The following NBEA variants were observed in gnomAD, a reference collection of about 807,000 sequenced individuals.
NBEA encodes the protein neurobeachin.
NBEA carries 44 observed loss-of-function variants against 343.4 expected under a neutral mutation model. That is an observed-to-expected ratio of 0.13 (90% confidence interval 0.10 to 0.16). The LOEUF is 0.16. Among genes scored for constraint, NBEA ranks in the 10% least tolerant of loss-of-function variants. The pLI is 1.00. For synonymous variants in NBEA, 1,175 were observed against 1,238.7 expected, an observed-to-expected ratio of 0.95 and a Z score of 1.08; for missense variants, 2,555 against 3,631.3, an observed-to-expected ratio of 0.70 and a Z score of 7.62.
chr13:35,659,983 T>C (rs927439694), intron 55 of NBEA, among the ~76,000 whole-genome samples: 1 of 152,230 alleles, frequency 6.6e-6, no homozygotes, highest in Non-Finnish European at 1.5e-5. Context: ...TGCTAAAAGC[T>C]GATTGAATTT....
At chr13:35,177,909 A>G (rs570192923) in intron 28 of NBEA, among the ~76,000 whole-genome samples, 1 of 151,790 alleles carries the variant, frequency 6.6e-6, no homozygotes, top group South Asian at 2.1e-4. Flanking sequence ...CATGATTAAA[A>G]TATATTTAGG....
chr13:35,554,884 ATTATT>A lies in NBEA; in HGVS notation c.6807-99_6807-95del, dbSNP rs2079512373. ...TTCATCTAAGAAGGATAAACCATAA[ATTATT>A]TTAAGTTGATTATCAAAGCAATATA... On this transcript the variant is annotated intron_variant, in intron 43 of 58. Coordinates refer to ENST00000379939, the MANE Select transcript of NBEA (RefSeq NM_001385012.1). 9.9e-6 allele frequency: 5 copies of A among 503,182 alleles called. No homozygotes were observed. In the East Asian group the frequency reaches 1.6e-4, roughly 16 times the overall value. 31.2% of individuals were successfully genotyped at this position (503,182 alleles called of 1,614,324 possible).
At chr13:35,484,707 T>C (rs751196058) in intron 41 of NBEA, among the ~76,000 whole-genome samples, 10 of 152,184 alleles carry the variant, frequency 6.6e-5, no homozygotes, top group Non-Finnish European at 1.3e-4. Context: ...TTGAGGCAGT[T>C]TCATTTCCCC....
chr13:35,158,071 G>A (rs1158511820), intron 21 of NBEA, among the ~76,000 whole-genome samples: 1 of 152,124 alleles, frequency 6.6e-6, no homozygotes, highest in African/African-American at 2.4e-5. Context: ...TAATGTAAAT[G>A]AATGATCATG....
chr13:35,019,860 G>T (rs2061775458), intron 1 of NBEA, among the ~76,000 whole-genome samples: 1 of 152,006 alleles, frequency 6.6e-6, no homozygotes, highest in Non-Finnish European at 1.5e-5. Flanking sequence ...ACTTTTATTT[G>T]TATTAGTGGT....
intron 24 of NBEA, among the ~76,000 whole-genome samples, chr13:35,168,495 A>G (rs1232401933): frequency 6.6e-6 from 1 of 151,582 alleles, no homozygotes; most frequent in Non-Finnish European, 1.5e-5. Flanking sequence ...ATTTTCAACT[A>G]TAGGAAGCTT....
intron 38 of NBEA, among the ~76,000 whole-genome samples, chr13:35,415,004 T>C (rs1273205748): frequency 6.6e-6 from 1 of 152,236 alleles, no homozygotes; most frequent in Non-Finnish European, 1.5e-5. Context: ...CATTTTTTCA[T>C]GTGTCTTTTG....
intron 41 of NBEA, among the ~76,000 whole-genome samples, chr13:35,479,824 T>C (rs897442860): frequency 1.2e-4 from 18 of 152,102 alleles, no homozygotes; most frequent in African/African-American, 3.1e-4. Flanking sequence ...AGGATGTAAA[T>C]ACTTAATTGT....
intron 1 of NBEA, among the ~76,000 whole-genome samples, chr13:35,005,658 A>G (rs1050666030): frequency 1.3e-5 from 2 of 152,180 alleles, no homozygotes; most frequent in Non-Finnish European, 1.5e-5. Context: ...AGTTACTTAC[A>G]GTATCCTTGA....
chr13:35,407,286 A>C (rs894156988), intron 38 of NBEA, among the ~76,000 whole-genome samples: 1 of 151,968 alleles, frequency 6.6e-6, no homozygotes, highest in African/African-American at 2.4e-5. Context: ...ATCTGTGGTT[A>C]TCACATTGAA....
At chr13:35,061,059 A>G (rs1006843761) in intron 8 of NBEA, among the ~76,000 whole-genome samples, 3 of 151,588 alleles carry the variant, frequency 2.0e-5, no homozygotes, top group African/African-American at 7.3e-5. Context: ...ATAGCATGTC[A>G]ACATACGGGC....
chr13:34,965,402 A>G (rs188089284), intron 1 of NBEA, among the ~76,000 whole-genome samples: 104 of 152,140 alleles, frequency 6.8e-4, no homozygotes, highest in Middle Eastern at 6.8e-3. Context: ...ACAGTATCAC[A>G]GAGAAGAAAG....
At chr13:35,503,530 G>A (rs1412322905) in intron 41 of NBEA, among the ~76,000 whole-genome samples, 1 of 151,602 alleles carries the variant, frequency 6.6e-6, no homozygotes, top group Admixed American at 6.6e-5. Context: ...ATCACCTACA[G>A]GTAAACATTT....
chr13:35,663,828 C>A (rs760183175), intron 55 of NBEA, among the ~76,000 whole-genome samples: 48 of 152,210 alleles, frequency 3.2e-4, no homozygotes, highest in Non-Finnish European at 6.3e-4. Context: ...TCCATGTATT[C>A]AGAAGAAGAT....
intron 36 of NBEA, among the ~76,000 whole-genome samples, chr13:35,344,800 T>A (rs989405391): frequency 7.9e-5 from 12 of 152,090 alleles, no homozygotes; most frequent in Non-Finnish European, 5.9e-5. Flanking sequence ...CCAAATAGTT[T>A]ACAGGAATAG....
At chr13:35,119,834 C>T (rs1287305553) in intron 16 of NBEA, among the ~76,000 whole-genome samples, 1 of 152,170 alleles carries the variant, frequency 6.6e-6, no homozygotes, top group African/African-American at 2.4e-5. Flanking sequence ...TGTGATCTGC[C>T]TGCCTTGGTC....
chr13:35,175,203 G>A (rs1383217122), intron 27 of NBEA, among the ~76,000 whole-genome samples: 2 of 152,164 alleles, frequency 1.3e-5, no homozygotes, highest in African/African-American at 4.8e-5. Context: ...TGCGACCTGA[G>A]AGAAATCTCT....
Position 35,164,516 on chromosome 13 carries a change from A to G in NBEA, c.4233+7A>G. 1 of 1,607,750 alleles carries G rather than the reference A, an allele frequency of 6.2e-7. No individual in the cohort carries two copies. Among genetic ancestry groups the G allele is most frequent in the Non-Finnish European group, 8.5e-7 (1 of 1,176,512 alleles). On this transcript the variant is annotated splice_region_variant and intron_variant, in intron 24 of 58. Coordinates refer to ENST00000379939, the MANE Select transcript of NBEA (RefSeq NM_001385012.1). The stretch of plus-strand genomic sequence containing the variant: ...TGCTGCTACATCACCAACTGTAAGT[A>G]CTTTGCCTCCATCTAGTGGTTATAT...
chr13:35,284,099 T>C (rs1461295591), intron 34 of NBEA, among the ~76,000 whole-genome samples: 1 of 152,126 alleles, frequency 6.6e-6, no homozygotes, highest in Non-Finnish European at 1.5e-5. Flanking sequence ...TTATGTATTG[T>C]CTATGGCTAC....
Sources: allele counts gnomAD v4.1 joint callset (sites outside exome capture counted in the v4.1 genomes callset), GRCh38; gene constraint gnomAD v4.1.1; transcripts MANE v1.5; gene names NCBI Gene and HGNC (gene_info 2026-07-23, HGNC 2026-07-21).